Variants in CNOT10 observed in about 807,000 individuals in gnomAD.
The protein encoded by CNOT10 is CCR4-NOT transcription complex subunit 10.
A neutral mutation model predicts 94.6 loss-of-function variants in CNOT10; 30 were observed. The ratio of observed to expected loss-of-function variants is 0.32; its 90% confidence interval spans 0.24 to 0.43. CNOT10 has a LOEUF of 0.43. Among genes scored for constraint, CNOT10 ranks in the 20% least tolerant of loss-of-function variants. The pLI, the probability that CNOT10 is intolerant of heterozygous loss-of-function variation, is 1.00. For missense variants in CNOT10, 759 were observed against 877.2 expected, an observed-to-expected ratio of 0.87 and a Z score of 1.70; for synonymous variants, 289 against 301.6, an observed-to-expected ratio of 0.96 and a Z score of 0.43.
At chr3:32,740,536 T>C (rs1384758176) in intron 13 of CNOT10, among the ~76,000 whole-genome samples, 2 of 151,886 alleles carry the variant, frequency 1.3e-5, no homozygotes, top group African/African-American at 2.4e-5. Context: ...TGTTTTACAA[T>C]ATTTTCATTA....
At chr3:32,702,243 G>A (rs1315507771) in intron 1 of CNOT10, among the ~76,000 whole-genome samples, 1 of 152,116 alleles carries the variant, frequency 6.6e-6, no homozygotes, top group African/African-American at 2.4e-5. Flanking sequence ...TTATAGGCAT[G>A]AGCCATCACG....
chr3:32,753,221 C>A, intron 13 of CNOT10: 1 of 721,526 alleles, frequency 1.4e-6, no homozygotes, highest in Non-Finnish European at 2.6e-6. Context: ...TACAGAAGGA[C>A]AAAAATTAGA....
At chr3:32,703,644 C>T (rs1697476960) in intron 1 of CNOT10, 1 of 376,308 alleles carries the variant, frequency 2.7e-6, no homozygotes, top group Non-Finnish European at 4.8e-6. Flanking sequence ...TGATTGACTT[C>T]CTGGATGGGA....
chr3:32,739,575 T>G (rs1281616220), intron 13 of CNOT10, among the ~76,000 whole-genome samples: 1 of 152,102 alleles, frequency 6.6e-6, no homozygotes, highest in Non-Finnish European at 1.5e-5. Context: ...CATAATAGTC[T>G]AAAAAGTAAT....
chr3:32,751,086 A>T (rs1350296416), intron 13 of CNOT10, among the ~76,000 whole-genome samples: 1 of 151,904 alleles, frequency 6.6e-6, no homozygotes, highest in Non-Finnish European at 1.5e-5. Context: ...AAATCAAAGC[A>T]TACAAAATTT....
intron 10 of CNOT10, among the ~76,000 whole-genome samples, chr3:32,731,852 G>A (rs1263755862): frequency 6.6e-6 from 1 of 152,128 alleles, no homozygotes; most frequent in East Asian, 1.9e-4. Context: ...GCTGAGGCGG[G>A]TGGATCAGAA....
intron 8 of CNOT10, among the ~76,000 whole-genome samples, chr3:32,720,859 C>CCCTTCCTTCCTT (rs1169334696): frequency 7.2e-6 from 1 of 137,984 alleles, no homozygotes; most frequent in Admixed American, 7.4e-5. Context: ...CTCCCTTCCT[C>CCCTTCCTTCCTT]CCTTCCCTCC....
chr3:32,724,650 G>A (rs551009447), intron 8 of CNOT10, among the ~76,000 whole-genome samples: 74 of 152,186 alleles, frequency 4.9e-4, no homozygotes, highest in African/African-American at 1.7e-3. Flanking sequence ...CTGACCTCGT[G>A]ATCCGCCCAC....
In CNOT10 at chr3:32,685,315, T is replaced by C; in HGVS notation, c.-146T>C. On this transcript the variant is annotated 5_prime_UTR_variant, in exon 1 of 19. Coordinates refer to ENST00000328834, the MANE Select transcript of CNOT10 (RefSeq NM_015442.3). ...CTCTCGTCACTTCCTCAGCCCGCCGTCTGCCCACTCCTCTAGCCGGAACCT... is the reference window on the plus strand; with the variant it reads ...CTCTCGTCACTTCCTCAGCCCGCCGCCTGCCCACTCCTCTAGCCGGAACCT... 1 of 805,756 alleles carries C rather than the reference T, an allele frequency of 1.2e-6. No homozygotes were observed. Among genetic ancestry groups the C allele is most frequent in the Non-Finnish European group, 2.0e-6 (1 of 501,934 alleles). 49.9% of individuals were successfully genotyped at this position (805,756 alleles called of 1,614,324 possible).
Position 32,753,537 on chromosome 3 carries a change from TA to T in CNOT10, c.1596-5918del, listed in dbSNP as rs1270749255. 16 of 1,582,882 alleles carry T rather than the reference TA, an allele frequency of 1.0e-5. No individual in the cohort carries two copies. In the East Asian group the frequency reaches 3.4e-4, roughly 33 times the overall value. Reference sequence around the variant, plus strand: ...AAGTAGTTTCAACCAAGATTGAAATTAAACTGAAAAAGCCAGAGGCTGTGAG... The same window carrying T: ...AAGTAGTTTCAACCAAGATTGAAATTAACTGAAAAAGCCAGAGGCTGTGAG... On this transcript the variant is annotated intron_variant, in intron 13 of 18. Coordinates refer to ENST00000328834, the MANE Select transcript of CNOT10 (RefSeq NM_015442.3).
chr3:32,738,465 C>CTT lies in CNOT10; in HGVS notation c.1595+989_1595+990dup, dbSNP rs367907658. Among the ~76,000 whole-genome samples, 16 of 141,778 alleles carry CTT rather than the reference C, an allele frequency of 1.1e-4. 1 individual carries two copies. The highest frequency in any genetic ancestry group is 2.1e-4 in the African/African-American group (8 of 38,718). The allele number at this position is 141,778 out of a possible 152,430, so 93.0% of individuals were successfully genotyped here. A position where few individuals can be genotyped will look rare whatever the true frequency, so the allele number is the denominator to read the frequency against. The stretch of plus-strand genomic sequence containing the variant: ...AACACTTTTTTCAGATTTTATATTT[C>CTT]TTTTTTTTTTTTTTTGAGATGGATT... On this transcript the variant is annotated intron_variant, in intron 13 of 18. Transcript: ENST00000328834.
At chr3:32,745,652 G>A (rs1388099690) in intron 13 of CNOT10, among the ~76,000 whole-genome samples, 2 of 152,220 alleles carry the variant, frequency 1.3e-5, no homozygotes. Context: ...GTAGAAGAAT[G>A]GATAACTAAG....
In CNOT10 at chr3:32,757,365, G is replaced by A. The variant is rs184423898; in HGVS notation, c.1596-2093G>A. ...CAGCCAATTTTGTATTTTTAGTAGA[G>A]ATGGGGTTTCTCCATGTTGGTCAAG... On this transcript the variant is annotated intron_variant, in intron 13 of 18. Coordinates refer to ENST00000328834, the MANE Select transcript of CNOT10 (RefSeq NM_015442.3). Among the ~76,000 whole-genome samples the A allele has an allele frequency of 2.1e-3, 325 of 151,550 alleles. 1 individual carries two copies. Among genetic ancestry groups the A allele is most frequent in the African/African-American group, 7.4e-3 (304 of 41,354 alleles).
At chr3:32,708,532 C>A in intron 3 of CNOT10, 138 bp from the exon 4 acceptor site, 1 of 659,426 alleles carries the variant, frequency 1.5e-6, no homozygotes, top group South Asian at 2.2e-5. Flanking sequence ...TAATTAAAAT[C>A]TAAAGATACT....
At chr3:32,726,707 A>G (rs1698685481) in intron 9 of CNOT10, among the ~76,000 whole-genome samples, 1 of 148,666 alleles carries the variant, frequency 6.7e-6, no homozygotes, top group South Asian at 2.1e-4. Flanking sequence ...AATAATAATA[A>G]TAATAATAAT....
intron 10 of CNOT10, among the ~76,000 whole-genome samples, chr3:32,728,585 C>T (rs1441029143): frequency 6.6e-6 from 1 of 151,938 alleles, no homozygotes; most frequent in Non-Finnish European, 1.5e-5. Flanking sequence ...TGCACTCCAC[C>T]TTAGGCAACA....
At chr3:32,690,452 A>G (rs1446236492) in intron 1 of CNOT10, among the ~76,000 whole-genome samples, 1 of 152,130 alleles carries the variant, frequency 6.6e-6, no homozygotes, top group African/African-American at 2.4e-5. Context: ...TGGCACCATC[A>G]TAGCTCACTG....
At chr3:32,765,112 A>T (rs1413437249) in intron 17 of CNOT10, 1 of 655,452 alleles carries the variant, frequency 1.5e-6, no homozygotes, top group Admixed American at 3.0e-5. Context: ...TGAGGTCAGG[A>T]GTTTGAGACC....
intron 13 of CNOT10, among the ~76,000 whole-genome samples, chr3:32,738,304 A>C (rs1699283892): frequency 6.6e-6 from 1 of 152,140 alleles, no homozygotes; most frequent in Non-Finnish European, 1.5e-5. Context: ...ACAAACCTGC[A>C]CATGTAGCCC....
Sources: gnomAD v4.1 joint callset for allele counts (sites outside exome capture counted in the v4.1 genomes callset) on GRCh38, gnomAD v4.1.1 for gene constraint, MANE v1.5 for transcripts, NCBI Gene and HGNC (gene_info 2026-07-23, HGNC 2026-07-21) for gene names.